EHMT1: variants seen among roughly 807,000 people sequenced by gnomAD.
EHMT1 encodes euchromatic histone lysine methyltransferase 1, also known as histone-lysine N-methyltransferase EHMT1.
A neutral mutation model predicts 147.2 loss-of-function variants in EHMT1; 15 were observed. The ratio of observed to expected loss-of-function variants is 0.10; its 90% CI spans 0.07 to 0.16. The LOEUF (loss-of-function observed/expected upper bound fraction) is 0.16, where lower values mean the gene tolerates loss of function less well. EHMT1 is among the 10% of genes least tolerant of loss of function. The pLI, the probability that EHMT1 is intolerant of heterozygous loss-of-function variation, is 1.00. For synonymous variants in EHMT1, 795 were observed against 709.6 expected (o/e 1.12, Z -1.91); for missense variants, 1,587 against 1,772.4 (o/e 0.90, Z 1.88).
chr9:137,719,796 A>G (rs1945749904), intron 3 of EHMT1, among the ~76,000 whole-genome samples: 2 of 151,944 alleles, frequency 1.3e-5, no homozygotes, highest in African/African-American at 4.8e-5. Flanking sequence ...GGATGTGTGG[A>G]AACACCACTA....
intron 1 of EHMT1, among the ~76,000 whole-genome samples, chr9:137,642,433 G>A (rs1363012120): frequency 6.6e-6 from 1 of 152,146 alleles, no homozygotes; most frequent in Non-Finnish European, 1.5e-5. Context: ...AGCCTCCTGA[G>A]TAGCTGGGAC....
chr9:137,779,738 C>T (rs567329830), intron 14 of EHMT1, 21 bp downstream of exon 14: 31 of 1,612,386 alleles, frequency 1.9e-5, no homozygotes, highest in South Asian at 3.3e-5. Context: ...TCCTGCGGCC[C>T]GGGCACATGC....
intron 25 of EHMT1, among the ~76,000 whole-genome samples, chr9:137,832,229 C>T (rs1185030447): frequency 1.3e-5 from 2 of 150,234 alleles, no homozygotes; most frequent in Admixed American, 6.6e-5. Context: ...TGTGTGCCTT[C>T]ATTCCAGTCC....
chr9:137,635,167 C>T (rs143915528), intron 1 of EHMT1, among the ~76,000 whole-genome samples: 131 of 151,768 alleles, frequency 8.6e-4, no homozygotes, highest in African/African-American at 3.0e-3. Flanking sequence ...TGGGGAACAC[C>T]GGATGCTTGT....
At chr9:137,699,812 GCA>G (rs1943690482) in intron 1 of EHMT1, among the ~76,000 whole-genome samples, 1 of 152,218 alleles carries the variant, frequency 6.6e-6, no homozygotes. Flanking sequence ...TTGCACCACT[GCA>G]CTCCAGCCTG....
intron 1 of EHMT1, among the ~76,000 whole-genome samples, chr9:137,671,536 T>C (rs1025537756): frequency 1.3e-5 from 2 of 149,070 alleles, no homozygotes; most frequent in Non-Finnish European, 1.5e-5. Context: ...TTTTTTTTTT[T>C]TTTTTCGAGA....
At chr9:137,701,045 T>C (rs1475528205) in intron 1 of EHMT1, among the ~76,000 whole-genome samples, 4 of 151,998 alleles carry the variant, frequency 2.6e-5, no homozygotes, top group Non-Finnish European at 4.4e-5. Context: ...AGAGAAAGCA[T>C]GAAGGGGAAA....
intron 10 of EHMT1, among the ~76,000 whole-genome samples, chr9:137,767,032 A>G (rs539053656): frequency 2.6e-5 from 4 of 152,250 alleles, no homozygotes; most frequent in Admixed American, 1.3e-4. Flanking sequence ...TATGTTCCCC[A>G]GGCTGGTCTC....
chr9:137,834,349 G>A lies in EHMT1; in HGVS notation c.3541G>A (p.Asp1181Asn), dbSNP rs1327569386. Residue 1181 changes from aspartate (D) to asparagine (N), a missense_variant and splice_region_variant, in exon 26 of 27, where the codon GAC becomes AAC. Asp to Asn is a conservative substitution (Grantham distance 23). This residue lies in a region of EHMT1 where 156 missense variants were observed against 252.5 expected (regional missense o/e 0.62). Coordinates refer to ENST00000460843, the MANE Select transcript of EHMT1 (RefSeq NM_024757.5). ...DSYLFDLDNK[D>N]GEVYCIDARF... ...CCCGTGCCGGCTTCTCGCCCTGCAG[G>A]ACGGGGAGGTTTACTGCATCGACGC... 4 of 1,612,784 alleles carry A rather than the reference G, an allele frequency of 2.5e-6. No individual in the cohort carries two copies. The highest frequency in any genetic ancestry group is 2.7e-5 in the African/African-American group (2 of 74,912).
chr9:137,695,057 A>G (rs1310241389), intron 1 of EHMT1, among the ~76,000 whole-genome samples: 1 of 152,004 alleles, frequency 6.6e-6, no homozygotes, highest in Non-Finnish European at 1.5e-5. Context: ...GACCTGAAAG[A>G]CTCTAAACAG....
intron 2 of EHMT1, among the ~76,000 whole-genome samples, chr9:137,714,555 ATTTTTT>A (rs35445261): frequency 3.7e-4 from 31 of 84,210 alleles, no homozygotes; most frequent in East Asian, 1.4e-3. Flanking sequence ...CAGTTTGCTC[ATTTTTT>A]TTTTTTTTTT....
rs1215972773 is a variant in EHMT1, at chr9:137,834,894, G to C, written c.3838G>C (p.Glu1280Gln). ...CCAGCGTCAGGCCAGCGCGGCCCAG[G>C]AGGCCCAGGAGGACGGCTTGCCCGA... Reference protein sequence around the residue: ...LAQRQASAAQEAQEDGLPDTS... With the variant: ...LAQRQASAAQQAQEDGLPDTS... Residue 1280 changes from glutamate (E) to glutamine (Q), a missense_variant, in exon 27 of 27, where the codon GAG (glutamate) becomes CAG (glutamine). This residue lies in a region of EHMT1 where 141 missense variants were observed against 150.8 expected (regional missense o/e 0.94). Transcript: ENST00000460843. 2.5e-6 allele frequency: 4 copies of C among 1,604,086 alleles called. No homozygotes were observed. The highest frequency in any genetic ancestry group is 3.4e-5 in the Admixed American group (2 of 59,220).
chr9:137,752,642 C>T (rs2136194691), intron 7 of EHMT1, among the ~76,000 whole-genome samples: 1 of 152,268 alleles, frequency 6.6e-6, no homozygotes, highest in Middle Eastern at 3.4e-3. Context: ...GCCCCAGCTG[C>T]GTGCTGGGTG....
At chr9:137,739,917 G>A (rs1313324040) in intron 4 of EHMT1, among the ~76,000 whole-genome samples, 1 of 152,212 alleles carries the variant, frequency 6.6e-6, no homozygotes, top group African/African-American at 2.4e-5. Context: ...AGTTCTACAG[G>A]TGCTGCTGTC....
At chr9:137,808,461 GT>G (rs1211493015) in intron 18 of EHMT1, among the ~76,000 whole-genome samples, 1 of 152,112 alleles carries the variant, frequency 6.6e-6, no homozygotes, top group Non-Finnish European at 1.5e-5. Context: ...GGTTTTGACT[GT>G]TTTGTTTTAC....
intron 1 of EHMT1, among the ~76,000 whole-genome samples, chr9:137,654,166 C>A (rs570144588): frequency 4.6e-5 from 7 of 152,130 alleles, no homozygotes; most frequent in Non-Finnish European, 1.0e-4. Flanking sequence ...GAGTGCGAGA[C>A]CAGCTTGGCC....
In EHMT1 at chr9:137,828,989, G is replaced by A. The variant is rs962881100; in HGVS notation, c.3541-5360G>A. 6.6e-6 allele frequency among the ~76,000 whole-genome samples: 1 copy of A among 152,186 alleles called. No individual in the cohort carries two copies. The highest frequency in any genetic ancestry group is 2.4e-5 in the African/African-American group (1 of 41,456). On this transcript the variant is annotated intron_variant, in intron 25 of 26. Coordinates refer to ENST00000460843, the MANE Select transcript of EHMT1 (RefSeq NM_024757.5). This position sits in a 1 kb window ranked among gnomAD's most constrained non-coding sequence, Gnocchi z 5.3. ...CTCTGGCGAAGTGAAGTGAGCACCT[G>A]TAGTGAGGTCCACTCCAAGCACCAG... is the stretch of plus-strand genomic sequence containing the variant.
chr9:137,687,570 T>C (rs1942569784), intron 1 of EHMT1, among the ~76,000 whole-genome samples: 1 of 152,160 alleles, frequency 6.6e-6, no homozygotes, highest in African/African-American at 2.4e-5. Context: ...GTGTTAGTGT[T>C]AGCAGGGGAG....
chr9:137,744,019 G>C lies in EHMT1; in HGVS notation c.1099G>C (p.Ala367Pro), dbSNP rs1159924058. 1 of 1,614,098 alleles carries C rather than the reference G, an allele frequency of 6.2e-7. No homozygotes were observed. The highest frequency in any genetic ancestry group is 8.5e-7 in the Non-Finnish European group (1 of 1,180,022). Reference sequence around the variant, plus strand: ...GGACGACGGCCATGGTGCAGAGCAGGCGGCCGCGTTCCCCACAGAGGACAG... The same window carrying C: ...GGACGACGGCCATGGTGCAGAGCAGCCGGCCGCGTTCCCCACAGAGGACAG... ...EEDDGHGAEQ[A>P]AAFPTEDSRT... Residue 367 changes from alanine to proline, a missense_variant, in exon 6 of 27, where the codon GCG becomes CCG. Physicochemically the swap from Ala to Pro is conservative, Grantham distance 27. Transcript: ENST00000460843.
Sources: gnomAD v4.1 joint callset for allele counts (sites outside exome capture counted in the v4.1 genomes callset) on GRCh38, gnomAD v4.1.1 for gene constraint, gnomAD v4.1.1 regional missense constraint, Gnocchi (gnomAD v3.1) non-coding constraint, MANE v1.5 for transcripts, NCBI Gene and HGNC (gene_info 2026-07-23, HGNC 2026-07-21) for gene names.